COL28A1: variants seen among roughly 807,000 people sequenced by gnomAD.
COL28A1 encodes the protein collagen type XXVIII alpha 1 chain.
Under a neutral mutation model 150.2 loss-of-function variants are expected in COL28A1, and 161 were observed. The observed-to-expected ratio is 1.07, with a 90% CI of 0.94 to 1.22. The LOEUF is 1.22. COL28A1 is among the 50% of genes most tolerant of loss of function. The pLI is 0.00. For missense variants in COL28A1, 1,617 were observed against 1,388.3 expected, an observed-to-expected ratio of 1.16 and a Z score of -2.62; for synonymous variants, 552 against 469.7, an observed-to-expected ratio of 1.18 and a Z score of -2.26.
intron 16 of COL28A1, among the ~76,000 whole-genome samples, chr7:7,454,151 TGA>T (rs1170075433): frequency 6.6e-6 from 1 of 152,210 alleles, no homozygotes; most frequent in Non-Finnish European, 1.5e-5. Context: ...GTAAAAGATC[TGA>T]GTTGATCAAG....
At chr7:7,537,781 A>G (rs1257215698), upstream of COL28A1, among the ~76,000 whole-genome samples, 2 of 152,130 alleles carry the variant, frequency 1.3e-5, no homozygotes, top group African/African-American at 4.8e-5. Flanking sequence ...TTTCCTAGGG[A>G]ACAACCATGT....
intron 27 of COL28A1, among the ~76,000 whole-genome samples, chr7:7,404,296 G>C (rs973801600): frequency 2.6e-5 from 4 of 151,364 alleles, no homozygotes; most frequent in Non-Finnish European, 5.9e-5. Flanking sequence ...CTCTTTGAAA[G>C]AGTGACTGCC....
At chr7:7,440,704 C>T (rs1392483343) in intron 21 of COL28A1, 86 bp downstream of exon 21, 14 of 598,654 alleles carry the variant, frequency 2.3e-5, no homozygotes, top group Middle Eastern at 2.7e-4. Flanking sequence ...ACAAGGAATC[C>T]AATTTTCAGT....
chr7:7,514,727 A>C (rs982605708), intron 8 of COL28A1, among the ~76,000 whole-genome samples: 1 of 152,188 alleles, frequency 6.6e-6, no homozygotes, highest in Non-Finnish European at 1.5e-5. Context: ...CTTGCCAGAC[A>C]TAGCCCCCTG....
intron 28 of COL28A1, 34 bp downstream of exon 28, chr7:7,381,510 C>T (rs776553065): frequency 1.3e-6 from 2 of 1,520,352 alleles, no homozygotes; most frequent in South Asian, 2.3e-5. Flanking sequence ...CGATCCTAAG[C>T]CTAAGCATTT....
rs1783233142 is a variant in COL28A1, at chr7:7,401,975, A to G, written c.2136+15884T>C. Among the ~76,000 whole-genome samples the G allele has an allele frequency of 2.0e-5, 3 of 152,236 alleles. No individual in the cohort carries two copies. The South Asian group carries it at 6.2e-4, about 31-fold the overall frequency. ...GCTTCTACTCCACTTCTAAACATGC[A>G]GGATTCAATGTTAAGAGCCAGGAAT... On this transcript the variant is annotated intron_variant, in intron 27 of 34. Coordinates refer to ENST00000399429, the MANE Select transcript of COL28A1 (RefSeq NM_001037763.3).
chr7:7,456,818 A>C (rs947529826), intron 15 of COL28A1, among the ~76,000 whole-genome samples: 3 of 152,240 alleles, frequency 2.0e-5, no homozygotes, highest in Non-Finnish European at 4.4e-5. Flanking sequence ...GATGGTAAAC[A>C]AGACAGGTAG....
intron 11 of COL28A1, among the ~76,000 whole-genome samples, chr7:7,505,216 T>C (rs552974226): frequency 3.9e-4 from 59 of 152,336 alleles, no homozygotes; most frequent in African/African-American, 1.4e-3. Context: ...TTCAGTTTAA[T>C]ATCACCCTTA....
At chr7:7,480,794 G>C (rs1180683211) in intron 13 of COL28A1, among the ~76,000 whole-genome samples, 2 of 152,164 alleles carry the variant, frequency 1.3e-5, no homozygotes, top group Non-Finnish European at 2.9e-5. Flanking sequence ...TTGCATAATA[G>C]TTAAAAGCAG....
chr7:7,516,472 C>A (rs2115174121), intron 7 of COL28A1, among the ~76,000 whole-genome samples: 1 of 152,298 alleles, frequency 6.6e-6, no homozygotes, highest in East Asian at 1.9e-4. Flanking sequence ...CCTTGGGAAT[C>A]CTGTACAGCC....
the COL28A1 span, among the ~76,000 whole-genome samples, chr7:7,339,981 C>T: frequency 6.6e-6 from 1 of 151,994 alleles, no homozygotes; most frequent in South Asian, 2.1e-4. Context: ...ATAGTCCTTA[C>T]ATTATTGTTT....
chr7:7,500,413 C>T (rs981967771), intron 11 of COL28A1, among the ~76,000 whole-genome samples: 2 of 152,198 alleles, frequency 1.3e-5, no homozygotes, highest in East Asian at 1.9e-4. Context: ...GTGTTCCTGA[C>T]CCATTGTTCC....
intron 23 of COL28A1, among the ~76,000 whole-genome samples, chr7:7,435,455 C>T (rs867690797): frequency 1.3e-5 from 2 of 152,254 alleles, no homozygotes; most frequent in Middle Eastern, 6.8e-3. Context: ...CCAAGATTTT[C>T]CCAGTTTTAG....
downstream of COL28A1, among the ~76,000 whole-genome samples, chr7:7,352,540 G>A (rs1188964049): frequency 6.6e-6 from 1 of 152,144 alleles, no homozygotes; most frequent in African/African-American, 2.4e-5. Flanking sequence ...AAACCAGAAG[G>A]ATGGCAGAAT....
At chr7:7,513,983 C>A (rs985344159) in intron 8 of COL28A1, among the ~76,000 whole-genome samples, 3 of 152,222 alleles carry the variant, frequency 2.0e-5, no homozygotes, top group African/African-American at 4.8e-5. Context: ...TCTGATGCTG[C>A]TGCTCCTGGT....
At chr7:7,439,676 A>T (rs1180903671) in intron 21 of COL28A1, among the ~76,000 whole-genome samples, 5 of 152,200 alleles carry the variant, frequency 3.3e-5, no homozygotes, top group African/African-American at 1.2e-4. Flanking sequence ...CATAAAGACT[A>T]ATCTGTTATT....
At chr7:7,349,924 C>A in the COL28A1 span, among the ~76,000 whole-genome samples, 2 of 151,936 alleles carry the variant, frequency 1.3e-5, no homozygotes, top group African/African-American at 4.8e-5. Context: ...CAAAAAGAAG[C>A]AAATAGTTCA....
In COL28A1 at chr7:7,358,571, G is replaced by A. The variant is rs982880185; in HGVS notation, c.*62C>T. ...TCAAATATAGTGCTGTATTTGTATT[G>A]GGTGAATATGTGGAAATTAGGGAGT... On this transcript the variant is annotated 3_prime_UTR_variant, in exon 35 of 35. Transcript: ENST00000399429. The A allele has an allele frequency of 6.9e-7, 1 of 1,453,504 alleles. No homozygotes were observed. The highest frequency in any genetic ancestry group is 9.6e-7 in the Non-Finnish European group (1 of 1,044,416). 90.0% of individuals were successfully genotyped at this position (1,453,504 alleles called of 1,614,324 possible). A position where few individuals can be genotyped will look rare whatever the true frequency, so the allele number is the denominator to read the frequency against.
chr7:7,423,714 A>C (rs1784497491), intron 25 of COL28A1, among the ~76,000 whole-genome samples: 1 of 152,186 alleles, frequency 6.6e-6, no homozygotes, highest in South Asian at 2.1e-4. Context: ...TATTAATTAC[A>C]CTAATACCCA....
Sources: gnomAD v4.1 joint callset for allele counts (sites outside exome capture counted in the v4.1 genomes callset) on GRCh38, gnomAD v4.1.1 for gene constraint, MANE v1.5 for transcripts, NCBI Gene and HGNC (gene_info 2026-07-23, HGNC 2026-07-21) for gene names.